Variants in CPQ observed in about 807,000 individuals in gnomAD.
CPQ encodes the protein Ser-Met dipeptidase.
Under a neutral mutation model 45.7 loss-of-function variants are expected in CPQ, and 37 were observed. The ratio of observed to expected loss-of-function variants is 0.81; its 90% CI spans 0.62 to 1.07. CPQ has a LOEUF of 1.07. Ranked by LOEUF, CPQ falls within the 50% of genes least tolerant of loss-of-function variation. The probability of loss-of-function intolerance (pLI) is 0.00; values close to 1 mark genes in which losing one functional copy is unlikely to be tolerated. For missense variants in CPQ, 537 were observed against 572.9 expected, an observed-to-expected ratio of 0.94 and a Z score of 0.64; for synonymous variants, 186 against 205.8, an observed-to-expected ratio of 0.90 and a Z score of 0.82.
At chr8:96,664,687 C>A (rs1050009447) in intron 1 of CPQ, among the ~76,000 whole-genome samples, 6 of 152,100 alleles carry the variant, frequency 3.9e-5, no homozygotes. Flanking sequence ...AGGGTAAAGG[C>A]GTCCTAAGGT....
intron 6 of CPQ, among the ~76,000 whole-genome samples, chr8:97,055,215 T>C (rs2513339): frequency 0.75 from 114,128 of 151,980 alleles, 42,956 homozygotes; most frequent in African/African-American, 0.79. Context: ...ATCATCATGA[T>C]CCTCACTGGA....
At chr8:96,944,840 A>G (rs533684616) in intron 4 of CPQ, among the ~76,000 whole-genome samples, 1 of 152,272 alleles carries the variant, frequency 6.6e-6, no homozygotes, top group South Asian at 2.1e-4. Flanking sequence ...CAATTTAAAA[A>G]ATTCTTCCAG....
chr8:96,652,501 T>A (rs1024287054), intron 1 of CPQ, among the ~76,000 whole-genome samples: 1 of 152,238 alleles, frequency 6.6e-6, no homozygotes, highest in Admixed American at 6.5e-5. Flanking sequence ...GAAGTGGGAT[T>A]GGTGGATCAT....
At chr8:96,738,253 A>G (rs1256953897) in intron 1 of CPQ, among the ~76,000 whole-genome samples, 1 of 152,094 alleles carries the variant, frequency 6.6e-6, no homozygotes, top group Non-Finnish European at 1.5e-5. Context: ...TCAAATTTTT[A>G]TATCATTATT....
intron 3 of CPQ, among the ~76,000 whole-genome samples, chr8:96,835,849 T>C (rs965751382): frequency 6.6e-6 from 1 of 152,236 alleles, no homozygotes; most frequent in Non-Finnish European, 1.5e-5. Flanking sequence ...AAATATTTGG[T>C]AATATTGTTT....
intron 7 of CPQ, among the ~76,000 whole-genome samples, chr8:97,106,485 G>A (rs1278143005): frequency 6.6e-6 from 1 of 152,216 alleles, no homozygotes; most frequent in East Asian, 1.9e-4. Flanking sequence ...AGTGCTCCCT[G>A]CTCTTGCGGC....
chr8:97,123,207 AAAAT>A (rs1415695692), intron 7 of CPQ, among the ~76,000 whole-genome samples: 12 of 66,082 alleles, frequency 1.8e-4, no homozygotes, highest in East Asian at 4.4e-4. Context: ...AATAAAATAA[AAAAT>A]AAAATAAAAT....
intron 2 of CPQ, among the ~76,000 whole-genome samples, chr8:96,800,952 A>G (rs574847022): frequency 5.3e-5 from 8 of 151,384 alleles, no homozygotes; most frequent in Admixed American, 6.6e-5. Context: ...TGAGGCACAT[A>G]ATTAACTGAA....
chr8:96,810,894 C>T (rs886988133), intron 2 of CPQ, among the ~76,000 whole-genome samples: 1 of 152,150 alleles, frequency 6.6e-6, no homozygotes, highest in Non-Finnish European at 1.5e-5. Context: ...ATAGCACTTA[C>T]TAGAGTTCAT....
At chr8:97,014,591 G>T (rs985674751) in intron 5 of CPQ, among the ~76,000 whole-genome samples, 3 of 148,550 alleles carry the variant, frequency 2.0e-5, no homozygotes, top group African/African-American at 7.5e-5. Flanking sequence ...GCAGTGAGCT[G>T]AGATTGCGCC....
rs71267281 is a variant in CPQ at position 96,787,525 on chromosome 8, C to CTTTTTTTTTTTTTTTTT, written c.433+2209_433+2225dup. ...TTGTAGTTTCATTTTCTTATAATGT[C>CTTTTTTTTTTTTTTTTT]TTTTTTTTTTTTTTTTTTTTTTTTT... On this transcript the variant is annotated intron_variant, in intron 2 of 7. Coordinates refer to ENST00000220763, the MANE Select transcript of CPQ (RefSeq NM_016134.4). 5.9e-3 allele frequency among the ~76,000 whole-genome samples: 282 copies of CTTTTTTTTTTTTTTTTT among 47,578 alleles called. 80 individuals are homozygous for CTTTTTTTTTTTTTTTTT. Among genetic ancestry groups the CTTTTTTTTTTTTTTTTT allele is most frequent in the Middle Eastern group, 0.016 (1 of 64 alleles). The allele number at this position is 47,578 out of a possible 152,430, so 31.2% of individuals were successfully genotyped here. A position where few individuals can be genotyped will look rare whatever the true frequency, so the allele number is the denominator to read the frequency against.
intron 7 of CPQ, among the ~76,000 whole-genome samples, chr8:97,090,655 G>C (rs1305042091): frequency 6.6e-6 from 1 of 152,116 alleles, no homozygotes; most frequent in Non-Finnish European, 1.5e-5. Context: ...ATAATAACCA[G>C]TCTGGGATAT....
At chr8:97,032,722 G>T (rs759239087) in intron 6 of CPQ, among the ~76,000 whole-genome samples, 1 of 152,110 alleles carries the variant, frequency 6.6e-6, no homozygotes, top group Non-Finnish European at 1.5e-5. Context: ...CCACTACCAG[G>T]ATGCCTTTGT....
chr8:97,064,755 GCAATCCC>G (rs1188277209), intron 6 of CPQ, among the ~76,000 whole-genome samples: 4 of 152,106 alleles, frequency 2.6e-5, no homozygotes, highest in Non-Finnish European at 5.9e-5. Flanking sequence ...AAAATACTAT[GCAATCCC>G]CAAATTGTTA....
At chr8:96,873,331 C>T (rs1396133350) in intron 3 of CPQ, among the ~76,000 whole-genome samples, 1 of 150,880 alleles carries the variant, frequency 6.6e-6, no homozygotes, top group Non-Finnish European at 1.5e-5. Flanking sequence ...TTTTTTTAAA[C>T]CTGTGGGAGT....
At chr8:96,871,846 G>T (rs4735442) in intron 3 of CPQ, among the ~76,000 whole-genome samples, 2 of 151,474 alleles carry the variant, frequency 1.3e-5, no homozygotes, top group African/African-American at 4.8e-5. Context: ...TGAAGTTTCT[G>T]TCCTGGGTTT....
chr8:96,737,618 G>C (rs1810005293), intron 1 of CPQ, among the ~76,000 whole-genome samples: 1 of 151,978 alleles, frequency 6.6e-6, no homozygotes, highest in Non-Finnish European at 1.5e-5. Context: ...CAGATTAAGG[G>C]TGGATCTGCC....
intron 1 of CPQ, among the ~76,000 whole-genome samples, chr8:96,657,818 T>C (rs2130709126): frequency 6.6e-6 from 1 of 152,334 alleles, no homozygotes; most frequent in African/African-American, 2.4e-5. Context: ...CAGGTTGAGA[T>C]GATGAAAAGA....
At chr8:96,735,866 G>A (rs984871658) in intron 1 of CPQ, among the ~76,000 whole-genome samples, 1 of 152,092 alleles carries the variant, frequency 6.6e-6, no homozygotes, top group East Asian at 1.9e-4. Flanking sequence ...CACACAAAGA[G>A]GATGATTTAG....
Sources: gnomAD v4.1 joint callset for allele counts (sites outside exome capture counted in the v4.1 genomes callset) on GRCh38, gnomAD v4.1.1 for gene constraint, MANE v1.5 for transcripts, NCBI Gene and HGNC (gene_info 2026-07-23, HGNC 2026-07-21) for gene names.